PIK3C2G: variants seen among roughly 807,000 people sequenced by gnomAD.
The protein encoded by PIK3C2G is phosphatidylinositol 3-kinase C2 domain-containing subunit gamma.
In PIK3C2G, 168 loss-of-function variants were observed where a neutral mutation model predicts 181.1. That is an observed-to-expected ratio of 0.93 (90% CI 0.82 to 1.05). PIK3C2G has a LOEUF of 1.05. PIK3C2G is among the 50% of genes least tolerant of loss of function. The probability of loss-of-function intolerance (pLI) is 0.00; values close to 1 mark genes in which losing one functional copy is unlikely to be tolerated. For missense variants in PIK3C2G, 1,869 were observed against 1,732.8 expected, an observed-to-expected ratio of 1.08 and a Z score of -1.40; for synonymous variants, 573 against 592.2, an observed-to-expected ratio of 0.97 and a Z score of 0.47.
chr12:18,328,718 G>A (rs2137523471), intron 8 of PIK3C2G, among the ~76,000 whole-genome samples: 1 of 151,930 alleles, frequency 6.6e-6, no homozygotes, highest in Non-Finnish European at 1.5e-5. Context: ...GGATATAATG[G>A]GCTTAGTATA....
chr12:18,335,043 A>T (rs992357787), intron 8 of PIK3C2G, among the ~76,000 whole-genome samples: 4 of 152,174 alleles, frequency 2.6e-5, no homozygotes, highest in African/African-American at 9.7e-5. Context: ...CACAGAGCAC[A>T]GACGAGGGTT....
At chr12:18,290,783 T>C (rs1949657651) in intron 3 of PIK3C2G, 72 bp from the exon 4 acceptor site, 1 of 919,700 alleles carries the variant, frequency 1.1e-6, no homozygotes, top group Non-Finnish European at 1.7e-6. Flanking sequence ...AAAATTACAT[T>C]GTGGGCAATA....
chr12:18,527,719 C>A (rs1459892725), intron 24 of PIK3C2G, among the ~76,000 whole-genome samples: 1 of 151,898 alleles, frequency 6.6e-6, no homozygotes, highest in African/African-American at 2.4e-5. Flanking sequence ...TAATCAGCCT[C>A]TTTTTGTCTT....
At chr12:18,438,008 A>T (rs1946539677) in intron 18 of PIK3C2G, among the ~76,000 whole-genome samples, 1 of 151,948 alleles carries the variant, frequency 6.6e-6, no homozygotes, top group Non-Finnish European at 1.5e-5. Context: ...AGAAAATATA[A>T]ACAAGTTATA....
chr12:18,546,766 G>A (rs1334161763), intron 26 of PIK3C2G, among the ~76,000 whole-genome samples: 1 of 152,008 alleles, frequency 6.6e-6, no homozygotes, highest in Non-Finnish European at 1.5e-5. Flanking sequence ...TGGAAAAAGA[G>A]ATTTATGATG....
intron 24 of PIK3C2G, among the ~76,000 whole-genome samples, chr12:18,530,347 T>G (rs1275361150): frequency 1.3e-5 from 2 of 152,172 alleles, no homozygotes; most frequent in African/African-American, 4.8e-5. Context: ...GTACTATCAA[T>G]AATTCATTTT....
the PIK3C2G span, among the ~76,000 whole-genome samples, chr12:18,689,342 G>T: frequency 6.6e-6 from 1 of 152,218 alleles, no homozygotes; most frequent in Non-Finnish European, 1.5e-5. Flanking sequence ...AGAATTTAGG[G>T]CAAGCTTGTC....
At chr12:18,397,265 CAAAT>C (rs1943951636) in intron 15 of PIK3C2G, among the ~76,000 whole-genome samples, 1 of 151,712 alleles carries the variant, frequency 6.6e-6, no homozygotes, top group African/African-American at 2.4e-5. Context: ...TTTTCTTAAA[CAAAT>C]AAAGAAAGTA....
chr12:18,266,901 T>C (rs1368440925), intron 1 of PIK3C2G, among the ~76,000 whole-genome samples: 1 of 151,970 alleles, frequency 6.6e-6, no homozygotes, highest in Non-Finnish European at 1.5e-5. Context: ...ATTTTTAAAA[T>C]ATCACAATAC....
intron 16 of PIK3C2G, among the ~76,000 whole-genome samples, chr12:18,403,144 G>T (rs931215471): frequency 1.3e-5 from 2 of 152,084 alleles, no homozygotes; most frequent in Admixed American, 6.5e-5. Flanking sequence ...GGAGCACTTA[G>T]CGATCTCGGT....
chr12:18,668,801 C>A, the PIK3C2G span, among the ~76,000 whole-genome samples: 17 of 152,146 alleles, frequency 1.1e-4, no homozygotes, highest in Non-Finnish European at 2.5e-4. Flanking sequence ...CAGGCCTGCC[C>A]AGCTCTGATA....
chr12:18,681,172 G>A, the PIK3C2G span, among the ~76,000 whole-genome samples: 1 of 151,984 alleles, frequency 6.6e-6, no homozygotes, highest in Non-Finnish European at 1.5e-5. Flanking sequence ...CTCCACGGCA[G>A]CTCCTAGCAA....
chr12:18,464,260 C>T (rs937847286), intron 18 of PIK3C2G, among the ~76,000 whole-genome samples: 1 of 152,000 alleles, frequency 6.6e-6, no homozygotes, highest in Admixed American at 6.6e-5. Flanking sequence ...TGTATGTGTC[C>T]TCACGTGGTG....
upstream of PIK3C2G, among the ~76,000 whole-genome samples, chr12:18,261,130 C>T (rs1260902527): frequency 6.6e-6 from 1 of 152,122 alleles, no homozygotes; most frequent in African/African-American, 2.4e-5. Flanking sequence ...CAAGGGCTCA[C>T]CTCTGCTCCT....
chr12:18,289,314 A>G (rs1275722840), intron 3 of PIK3C2G, among the ~76,000 whole-genome samples: 2 of 152,218 alleles, frequency 1.3e-5, no homozygotes, highest in Non-Finnish European at 2.9e-5. Context: ...ACATGCCATA[A>G]CATATGAAAG....
At chr12:18,277,987 T>C (rs920746054) in intron 1 of PIK3C2G, among the ~76,000 whole-genome samples, 5 of 152,190 alleles carry the variant, frequency 3.3e-5, no homozygotes, top group Admixed American at 3.3e-4. Context: ...TGAATTGAGC[T>C]GAACTTTCCA....
the PIK3C2G span, among the ~76,000 whole-genome samples, chr12:18,708,938 AT>A: frequency 5.3e-5 from 8 of 151,882 alleles, no homozygotes; most frequent in South Asian, 4.2e-4. Context: ...GTTTGCAAAT[AT>A]TTTTTCCCCA....
chr12:18,378,543 G>T (rs966246715), intron 13 of PIK3C2G, among the ~76,000 whole-genome samples: 43 of 152,046 alleles, frequency 2.8e-4, no homozygotes, highest in Non-Finnish European at 5.0e-4. Flanking sequence ...AAAGAGCTTC[G>T]GCACAGCAAA....
intron 13 of PIK3C2G, among the ~76,000 whole-genome samples, chr12:18,373,207 A>G (rs555877565): frequency 6.6e-6 from 1 of 152,308 alleles, no homozygotes; most frequent in Admixed American, 6.5e-5. Context: ...TGATGCAGAT[A>G]TTTCCAGATC....
Sources: allele counts gnomAD v4.1 joint callset (sites outside exome capture counted in the v4.1 genomes callset), GRCh38; gene constraint gnomAD v4.1.1; transcripts MANE v1.5; gene names NCBI Gene and HGNC (gene_info 2026-07-23, HGNC 2026-07-21).